The following PDCD10 variants were observed in gnomAD, a reference collection of about 807,000 sequenced individuals.
PDCD10 encodes programmed cell death protein 10.
In PDCD10, 4 loss-of-function variants were observed where a neutral mutation model predicts 29.2. The observed-to-expected ratio is 0.14, with a 90% confidence interval of 0.07 to 0.31. PDCD10 has a LOEUF of 0.31. Ranked by LOEUF, PDCD10 falls within the 10% of genes least tolerant of loss-of-function variation. The pLI, the probability that PDCD10 is intolerant of heterozygous loss-of-function variation, is 1.00. For missense variants in PDCD10, 183 were observed against 257.9 expected, an observed-to-expected ratio of 0.71 and a Z score of 1.99; for synonymous variants, 70 against 82.2, an observed-to-expected ratio of 0.85 and a Z score of 0.80.
chr3:167,717,210 T>C (rs768173895), intron 3 of PDCD10, among the ~76,000 whole-genome samples: 9 of 152,050 alleles, frequency 5.9e-5, no homozygotes, highest in Non-Finnish European at 8.8e-5. Flanking sequence ...ATAAATAACT[T>C]TGGCTTGCAA....
chr3:167,710,356 G>A (rs1471930202), intron 3 of PDCD10, among the ~76,000 whole-genome samples: 16 of 152,068 alleles, frequency 1.1e-4, no homozygotes, highest in African/African-American at 2.4e-5. Flanking sequence ...GCTCAGGCTC[G>A]GCAGCAATCA....
At chr3:167,690,066 G>C (rs1720054867) in intron 6 of PDCD10, among the ~76,000 whole-genome samples, 1 of 152,154 alleles carries the variant, frequency 6.6e-6, no homozygotes, top group African/African-American at 2.4e-5. Context: ...AAAAACTTGA[G>C]GGTAAAATAA....
At chr3:167,698,784 T>C (rs1236013749) in intron 4 of PDCD10, among the ~76,000 whole-genome samples, 1 of 152,144 alleles carries the variant, frequency 6.6e-6, no homozygotes, top group East Asian at 1.9e-4. Context: ...AAGAAAAGCA[T>C]ATCTCTGATT....
intron 4 of PDCD10, among the ~76,000 whole-genome samples, chr3:167,700,671 T>G (rs1468841897): frequency 6.6e-6 from 1 of 152,140 alleles, no homozygotes; most frequent in Non-Finnish European, 1.5e-5. Flanking sequence ...AAAAGCAAAG[T>G]CATTCTATGA....
chr3:167,692,673 C>T (rs1161615253), intron 6 of PDCD10, among the ~76,000 whole-genome samples: 1 of 152,252 alleles, frequency 6.6e-6, no homozygotes, highest in Non-Finnish European at 1.5e-5. Context: ...AATCCCAGCA[C>T]TTTGGGAGGC....
At chr3:167,720,917 A>T (rs1478047894) in intron 2 of PDCD10, among the ~76,000 whole-genome samples, 1 of 151,918 alleles carries the variant, frequency 6.6e-6, no homozygotes, top group East Asian at 1.9e-4. Flanking sequence ...GAAGAACTAC[A>T]GAAATTGTTG....
At chr3:167,705,890 A>G (rs1266028621) in intron 3 of PDCD10, among the ~76,000 whole-genome samples, 2 of 152,218 alleles carry the variant, frequency 1.3e-5, no homozygotes, top group East Asian at 3.8e-4. Context: ...TAAGATTAAA[A>G]TAACAATATA....
chr3:167,726,071 G>A (rs1180679151), intron 2 of PDCD10, among the ~76,000 whole-genome samples: 1 of 147,494 alleles, frequency 6.8e-6, no homozygotes, highest in Non-Finnish European at 1.5e-5. Context: ...AAAGTTAACT[G>A]CACCATGTCA....
At chr3:167,685,883 C>T (rs1719569419) in intron 8 of PDCD10, among the ~76,000 whole-genome samples, 1 of 152,114 alleles carries the variant, frequency 6.6e-6, no homozygotes, top group Admixed American at 6.5e-5. Context: ...GGAACACCAC[C>T]ACAAAACAAG....
chr3:167,704,556 G>GAAA, intron 4 of PDCD10: 17 of 198,884 alleles, frequency 8.5e-5, no homozygotes, highest in East Asian at 2.2e-4. Flanking sequence ...TCAAATAATA[G>GAAA]AAAAAAAAAA....
Position 167,722,154 on chromosome 3 carries a change from CAGA to C in PDCD10, c.-116-1884_-116-1882del, listed in dbSNP as rs1351135546. On this transcript the variant is annotated intron_variant, in intron 2 of 8. Coordinates refer to ENST00000392750, the MANE Select transcript of PDCD10 (RefSeq NM_007217.4). ...AATGAATGCAGAATATAGACAGCAGCAGAAGGCATGGTATCATCAATGAAAAAT... is the reference window on the plus strand; with the variant it reads ...AATGAATGCAGAATATAGACAGCAGCAGGCATGGTATCATCAATGAAAAAT... Among the ~76,000 whole-genome samples the C allele has an allele frequency of 2.0e-5, 3 of 151,960 alleles. No homozygotes were observed. The East Asian group carries it at 5.8e-4, about 29-fold the overall frequency.
chr3:167,726,114 GTTTTTT>G (rs751342370), intron 2 of PDCD10, among the ~76,000 whole-genome samples: 2,065 of 85,746 alleles, frequency 0.024, 35 homozygotes, highest in African/African-American at 0.092. Flanking sequence ...GTAGAGTACT[GTTTTTT>G]TTTTTTTTTT....
intron 4 of PDCD10, among the ~76,000 whole-genome samples, chr3:167,698,298 A>G (rs1482092468): frequency 6.6e-6 from 1 of 152,234 alleles, no homozygotes; most frequent in Non-Finnish European, 1.5e-5. Flanking sequence ...ATTAATAACA[A>G]TAAACTGTGT....
chr3:167,695,840 G>C, intron 5 of PDCD10, 118 bp from the exon 6 acceptor site: 4 of 960,948 alleles, frequency 4.2e-6, no homozygotes, highest in Admixed American at 3.6e-5. Flanking sequence ...CAGATAATTA[G>C]GAAAGACAAG....
chr3:167,698,963 C>T (rs1224158593), intron 4 of PDCD10, among the ~76,000 whole-genome samples: 1 of 152,142 alleles, frequency 6.6e-6, no homozygotes, highest in Non-Finnish European at 1.5e-5. Context: ...AAAGATACAC[C>T]TCACAGTGCT....
chr3:167,709,837 G>T (rs1324818322), intron 3 of PDCD10, among the ~76,000 whole-genome samples: 2 of 152,110 alleles, frequency 1.3e-5, no homozygotes, highest in Non-Finnish European at 2.9e-5. Flanking sequence ...TCTGCTTCAG[G>T]ATAGGAAGGC....
intron 5 of PDCD10, 34 bp from the exon 6 acceptor site, chr3:167,695,756 G>A (rs1559952513): frequency 6.2e-7 from 1 of 1,604,730 alleles, no homozygotes; most frequent in Non-Finnish European, 8.5e-7. Flanking sequence ...AAAACATCCT[G>A]CGACTCTCTG....
chr3:167,704,520 G>T (rs1332297476), intron 4 of PDCD10: 3 of 223,666 alleles, frequency 1.3e-5, no homozygotes, highest in African/African-American at 2.4e-5. Context: ...GAGTCACCAC[G>T]CCCAGCCATA....
intron 4 of PDCD10, among the ~76,000 whole-genome samples, chr3:167,704,285 C>T (rs142618184): frequency 2.0e-5 from 3 of 152,230 alleles, no homozygotes; most frequent in African/African-American, 4.8e-5. Context: ...TGGATCACAG[C>T]GGCATGATCA....
Sources: gnomAD v4.1 joint callset for allele counts (sites outside exome capture counted in the v4.1 genomes callset) on GRCh38, gnomAD v4.1.1 for gene constraint, MANE v1.5 for transcripts, NCBI Gene and HGNC (gene_info 2026-07-23, HGNC 2026-07-21) for gene names.